Variants in SPATA6 observed in about 807,000 individuals in gnomAD.
The protein encoded by SPATA6 is spermatogenesis associated 6.
Under a neutral mutation model 65.3 loss-of-function variants are expected in SPATA6, and 56 were observed. The observed-to-expected ratio is 0.86, with a 90% CI of 0.69 to 1.07. SPATA6 has a LOEUF of 1.07. Among genes scored for constraint, SPATA6 ranks in the 50% least tolerant of loss-of-function variants. SPATA6 has a pLI of 0.00. For synonymous variants in SPATA6, 199 were observed against 213.2 expected (o/e 0.93, Z 0.58); for missense variants, 590 against 594.8 (o/e 0.99, Z 0.08).
intron 11 of SPATA6, among the ~76,000 whole-genome samples, chr1:48,311,782 CG>C (rs1211465562): frequency 5.3e-5 from 8 of 152,270 alleles, no homozygotes; most frequent in Middle Eastern, 6.8e-3. Context: ...TCACCTCCCC[CG>C]GGAAGTACAA....
chr1:48,451,255 C>T (rs2787870), intron 3 of SPATA6, among the ~76,000 whole-genome samples: 148,864 of 152,288 alleles, frequency 0.98, 72,849 homozygotes, highest in East Asian at 1. Context: ...ATTTCTGTCA[C>T]TATATCACAA....
At chr1:48,364,998 G>C (rs1456175700) in intron 9 of SPATA6, among the ~76,000 whole-genome samples, 1 of 152,180 alleles carries the variant, frequency 6.6e-6, no homozygotes, top group Non-Finnish European at 1.5e-5. Flanking sequence ...AAAGGATCCA[G>C]TTTCAGCTTT....
intron 1 of SPATA6, among the ~76,000 whole-genome samples, chr1:48,458,354 A>C (rs571800987): frequency 6.6e-6 from 1 of 152,342 alleles, no homozygotes; most frequent in South Asian, 2.1e-4. Context: ...AAAAAGAAAT[A>C]AACTACTATT....
At chr1:48,347,432 C>T (rs114781105) in intron 11 of SPATA6, among the ~76,000 whole-genome samples, 3,554 of 146,118 alleles carry the variant, frequency 0.024, 93 homozygotes, top group African/African-American at 0.067. Context: ...TATATATACA[C>T]ATATAATATA....
chr1:48,451,408 A>G (rs944762083), intron 3 of SPATA6, 144 bp downstream of exon 3: 25 of 564,884 alleles, frequency 4.4e-5, no homozygotes, highest in Non-Finnish European at 7.2e-5. Context: ...TGAAATTCTA[A>G]AAAGTATTAA....
Position 48,411,613 on chromosome 1 carries a change from C to A in SPATA6, c.281-25G>T, listed in dbSNP as rs779537884. ...ACTACAAGAAAGATACCCTATGATTCAAATTATAATAAAATATTCTATTTA... is the reference window on the plus strand; with the variant it reads ...ACTACAAGAAAGATACCCTATGATTAAAATTATAATAAAATATTCTATTTA... On this transcript the variant is annotated intron_variant, in intron 4 of 12. Coordinates refer to ENST00000371847, the MANE Select transcript of SPATA6 (RefSeq NM_019073.4). The A allele has an allele frequency of 9.3e-6, 14 of 1,503,584 alleles. No individual in the cohort carries two copies. The South Asian group carries it at 1.9e-4, about 20-fold the overall frequency. The allele number at this position is 1,503,584 out of a possible 1,614,324, so 93.1% of individuals were successfully genotyped here.
chr1:48,422,410 A>AT (rs1448281204), intron 3 of SPATA6, among the ~76,000 whole-genome samples: 1 of 152,172 alleles, frequency 6.6e-6, no homozygotes, highest in Non-Finnish European at 1.5e-5. Context: ...CTGAGCTGAG[A>AT]TTTTTATGGT....
At chr1:48,396,027 A>G (rs1235988976) in intron 7 of SPATA6, among the ~76,000 whole-genome samples, 1 of 151,832 alleles carries the variant, frequency 6.6e-6, no homozygotes, top group African/African-American at 2.4e-5. Flanking sequence ...ACAAAAACAA[A>G]TAGATTTAAA....
the SPATA6 span, among the ~76,000 whole-genome samples, chr1:48,288,154 T>C: frequency 6.6e-6 from 1 of 152,202 alleles, no homozygotes; most frequent in Non-Finnish European, 1.5e-5. Context: ...TAAATATCAC[T>C]TGGTTGTGGT....
intron 10 of SPATA6, among the ~76,000 whole-genome samples, chr1:48,356,441 T>C (rs564213361): frequency 4.6e-5 from 7 of 151,470 alleles, no homozygotes; most frequent in African/African-American, 1.7e-4. Context: ...AATTCCCTTA[T>C]AATGAAATAG....
At chr1:48,354,800 GCTT>G (rs1646610603) in intron 11 of SPATA6, among the ~76,000 whole-genome samples, 2 of 151,980 alleles carry the variant, frequency 1.3e-5, no homozygotes, top group Admixed American at 1.3e-4. Context: ...AACAAGAGGG[GCTT>G]CTGCAGAGAA....
chr1:48,466,641 G>A (rs193033249), intron 1 of SPATA6, among the ~76,000 whole-genome samples: 1 of 151,246 alleles, frequency 6.6e-6, no homozygotes, highest in East Asian at 2.0e-4. Context: ...GGGGGGTGGG[G>A]CATCAAAGGA....
At chr1:48,421,269 C>T (rs1476085177) in intron 3 of SPATA6, among the ~76,000 whole-genome samples, 1 of 151,610 alleles carries the variant, frequency 6.6e-6, no homozygotes, top group Non-Finnish European at 1.5e-5. Flanking sequence ...TTGATCATTA[C>T]ACAATGTATA....
At chr1:48,401,945 C>T (rs1255056709) in intron 6 of SPATA6, among the ~76,000 whole-genome samples, 3 of 152,052 alleles carry the variant, frequency 2.0e-5, no homozygotes, top group Non-Finnish European at 4.4e-5. Flanking sequence ...TTCCACTTTG[C>T]AATAGGTAAA....
intron 9 of SPATA6, among the ~76,000 whole-genome samples, chr1:48,377,046 C>G (rs763759067): frequency 6.6e-6 from 1 of 152,096 alleles, no homozygotes; most frequent in African/African-American, 2.4e-5. Context: ...AAATATCTGT[C>G]TAATATCTCT....
intron 4 of SPATA6, among the ~76,000 whole-genome samples, chr1:48,412,215 A>G (rs1652312711): frequency 1.3e-5 from 2 of 152,200 alleles, no homozygotes; most frequent in African/African-American, 4.8e-5. Context: ...GTCATCTATA[A>G]TCACAGAAAT....
intron 10 of SPATA6, among the ~76,000 whole-genome samples, chr1:48,359,257 T>A (rs182732357): frequency 5.1e-4 from 77 of 152,250 alleles, no homozygotes; most frequent in African/African-American, 1.8e-3. Context: ...TGTGTTGTGT[T>A]TACACTTAAG....
chr1:48,433,415 G>C (rs1654589111), intron 3 of SPATA6, among the ~76,000 whole-genome samples: 1 of 152,048 alleles, frequency 6.6e-6, no homozygotes, highest in South Asian at 2.1e-4. Flanking sequence ...TACATCTACT[G>C]GAACATACAA....
intron 11 of SPATA6, among the ~76,000 whole-genome samples, chr1:48,343,630 CTG>C (rs1646280403): frequency 1.3e-5 from 2 of 152,080 alleles, no homozygotes; most frequent in South Asian, 2.1e-4. Context: ...GAAATAAAAA[CTG>C]AACTTGATTA....
Sources: gnomAD v4.1 joint callset for allele counts (sites outside exome capture counted in the v4.1 genomes callset) on GRCh38, gnomAD v4.1.1 for gene constraint, MANE v1.5 for transcripts, NCBI Gene and HGNC (gene_info 2026-07-23, HGNC 2026-07-21) for gene names.